The following IMMP2L variants were observed in gnomAD, a reference collection of about 807,000 sequenced individuals.
IMMP2L encodes inner mitochondrial membrane peptidase subunit 2, also known as mitochondrial inner membrane protease subunit 2.
Under a neutral mutation model 19.3 loss-of-function variants are expected in IMMP2L, and 18 were observed. That is an observed-to-expected ratio of 0.93 (90% CI 0.64 to 1.38). IMMP2L has a LOEUF of 1.38. IMMP2L is among the 40% of genes most tolerant of loss of function. IMMP2L has a pLI of 0.00. For synonymous variants in IMMP2L, 76 were observed against 73.0 expected (o/e 1.04, Z -0.21); for missense variants, 233 against 218.2 (o/e 1.07, Z -0.43).
At chr7:111,309,353 G>A (rs1371760049) in intron 3 of IMMP2L, among the ~76,000 whole-genome samples, 2 of 152,024 alleles carry the variant, frequency 1.3e-5, no homozygotes, top group African/African-American at 4.8e-5. Flanking sequence ...ATGTTATATG[G>A]CCAGTTTGGA....
intron 1 of IMMP2L, among the ~76,000 whole-genome samples, chr7:111,547,217 A>G (rs1214975891): frequency 6.6e-6 from 1 of 152,212 alleles, no homozygotes; most frequent in Non-Finnish European, 1.5e-5. Flanking sequence ...TATTTATTCA[A>G]TAAGTGAATT....
At chr7:110,706,991 A>ATGT (rs1554399137) in intron 5 of IMMP2L, among the ~76,000 whole-genome samples, 2 of 134,456 alleles carry the variant, frequency 1.5e-5, no homozygotes, top group Non-Finnish European at 3.1e-5. Context: ...TTACACTTAA[A>ATGT]TTTTTTTTTT....
At chr7:111,476,011 GAT>G (rs1841689323) in intron 3 of IMMP2L, among the ~76,000 whole-genome samples, 1 of 152,034 alleles carries the variant, frequency 6.6e-6, no homozygotes, top group Middle Eastern at 3.2e-3. Context: ...TATCCTGAGG[GAT>G]TAATTCTTAT....
rs537309525 is a variant in IMMP2L at position 111,350,915 on chromosome 7, T to C, written c.239+136323A>G. ...TGGGGATGATGAATTAGATGAAAAA[T>C]AGACTATGCATTTTCAATCATTGCA... On this transcript the variant is annotated intron_variant, in intron 3 of 5. Transcript: ENST00000405709. 1.1e-4 allele frequency among the ~76,000 whole-genome samples: 16 copies of C among 152,262 alleles called. No individual in the cohort carries two copies. In the South Asian group the frequency reaches 1.4e-3, roughly 14 times the overall value.
chr7:110,954,704 T>C lies in IMMP2L; in HGVS notation c.305+8796A>G, dbSNP rs183087134. On this transcript the variant is annotated intron_variant, in intron 4 of 5. Transcript: ENST00000405709. ...TCTGAACCAAGGCAGTTTGAGTTCA[T>C]AGTTTGTGCTCATGGCTTCTACATC... Among the ~76,000 whole-genome samples, 10 of 151,642 alleles carry C rather than the reference T, an allele frequency of 6.6e-5. No homozygotes were observed. In the East Asian group the frequency reaches 1.9e-3, roughly 29 times the overall value.
chr7:111,303,591 G>C (rs1033112769), intron 3 of IMMP2L, among the ~76,000 whole-genome samples: 1 of 151,974 alleles, frequency 6.6e-6, no homozygotes, highest in Non-Finnish European at 1.5e-5. Context: ...AATAACTTAA[G>C]GTTGATTCTC....
At chr7:110,879,117 C>T (rs577922897) in intron 5 of IMMP2L, among the ~76,000 whole-genome samples, 11 of 152,132 alleles carry the variant, frequency 7.2e-5, no homozygotes, top group East Asian at 3.9e-4. Context: ...TTATAGCAGG[C>T]GCGGTGGCTC....
At position 111,156,144 on chromosome 7, in the gene IMMP2L, A is replaced by G. The variant is rs147765387; in HGVS notation, c.240-192579T>C. ...CCATTGTTCACAGTTGATTTAAAAT[A>G]ATACTGTTGTAGACACTCTTGTATA... On this transcript the variant is annotated intron_variant, in intron 3 of 5. Coordinates refer to ENST00000405709, the MANE Select transcript of IMMP2L (RefSeq NM_032549.4). Among the ~76,000 whole-genome samples the G allele has an allele frequency of 4.8e-3, 732 of 152,226 alleles. 3 individuals are homozygous for G. Among genetic ancestry groups the G allele is most frequent in the African/African-American group, 0.017 (701 of 41,558 alleles).
intron 3 of IMMP2L, among the ~76,000 whole-genome samples, chr7:111,040,062 C>T (rs1791741437): frequency 6.6e-6 from 1 of 152,048 alleles, no homozygotes; most frequent in South Asian, 2.1e-4. Flanking sequence ...CTACTCAGGA[C>T]GCTGAAGCAG....
intron 1 of IMMP2L, among the ~76,000 whole-genome samples, chr7:111,560,737 C>G (rs756381453): frequency 2.6e-5 from 4 of 152,212 alleles, no homozygotes; most frequent in African/African-American, 4.8e-5. Context: ...CACCATCCTA[C>G]TTTTATCAAA....
chr7:110,727,968 T>C lies in IMMP2L; in HGVS notation c.409-64247A>G, dbSNP rs1796010758. On this transcript the variant is annotated intron_variant, in intron 5 of 5. Transcript: ENST00000405709. The surrounding 1 kb of genome is among the most constrained non-coding windows in gnomAD (Gnocchi z 4.3). Reference sequence around the variant, plus strand: ...CCACACACATGTAATTCTGCTCACTTCTGTTAACATTGTAAAAGGCAGCAC... The same window carrying C: ...CCACACACATGTAATTCTGCTCACTCCTGTTAACATTGTAAAAGGCAGCAC... 6.6e-6 allele frequency among the ~76,000 whole-genome samples: 1 copy of C among 152,224 alleles called. No homozygotes were observed. The highest frequency in any genetic ancestry group is 6.5e-5 in the Admixed American group (1 of 15,280).
chr7:111,176,734 C>A (rs570502361), intron 3 of IMMP2L, among the ~76,000 whole-genome samples: 8 of 151,742 alleles, frequency 5.3e-5, no homozygotes, highest in African/African-American at 1.9e-4. Flanking sequence ...CTACCATCAA[C>A]AATAATTAAT....
chr7:111,385,630 G>C (rs1831661564), intron 3 of IMMP2L, among the ~76,000 whole-genome samples: 1 of 152,026 alleles, frequency 6.6e-6, no homozygotes, highest in Non-Finnish European at 1.5e-5. Flanking sequence ...GTCCTGAGTG[G>C]TTCATTGTGG....
intron 2 of IMMP2L, among the ~76,000 whole-genome samples, chr7:111,510,866 A>G (rs1005723420): frequency 5.9e-5 from 9 of 152,080 alleles, no homozygotes; most frequent in African/African-American, 2.2e-4. Flanking sequence ...TCCTGTCTCT[A>G]GGACCTGTAA....
At chr7:111,164,693 G>A (rs1805635504) in intron 3 of IMMP2L, among the ~76,000 whole-genome samples, 1 of 152,010 alleles carries the variant, frequency 6.6e-6, no homozygotes, top group African/African-American at 2.4e-5. Flanking sequence ...AGCAAAGGAA[G>A]GGCATAATTA....
At chr7:111,447,681 T>G (rs1182007405) in intron 3 of IMMP2L, among the ~76,000 whole-genome samples, 1 of 151,192 alleles carries the variant, frequency 6.6e-6, no homozygotes, top group East Asian at 2.0e-4. Context: ...AACATCATAA[T>G]GACAGGATCA....
intron 3 of IMMP2L, among the ~76,000 whole-genome samples, chr7:111,145,171 CAT>C (rs1193090986): frequency 5.3e-5 from 8 of 151,986 alleles, no homozygotes; most frequent in Non-Finnish European, 1.2e-4. Context: ...CAACTGAAGA[CAT>C]ATACTCATGC....
chr7:111,524,329 C>T (rs1430121916), intron 1 of IMMP2L, among the ~76,000 whole-genome samples: 1 of 151,860 alleles, frequency 6.6e-6, no homozygotes, highest in Non-Finnish European at 1.5e-5. Context: ...ATAAAATGCT[C>T]CCATGTACAT....
intron 3 of IMMP2L, among the ~76,000 whole-genome samples, chr7:111,109,867 G>A (rs559020202): frequency 6.6e-6 from 1 of 152,310 alleles, no homozygotes; most frequent in African/African-American, 2.4e-5. Context: ...TGGGCGCGGT[G>A]GCTCATGCCT....
Sources: allele counts gnomAD v4.1 joint callset (sites outside exome capture counted in the v4.1 genomes callset), GRCh38; gene constraint gnomAD v4.1.1; non-coding constraint Gnocchi (gnomAD v3.1); transcripts MANE v1.5; gene names NCBI Gene and HGNC (gene_info 2026-07-23, HGNC 2026-07-21).